OSBPL8: variants seen among roughly 807,000 people sequenced by gnomAD.
The protein encoded by OSBPL8 is oxysterol-binding protein-related protein 8.
OSBPL8 carries 59 observed loss-of-function variants against 125.5 expected under a neutral mutation model. That is an observed-to-expected ratio of 0.47 (90% CI 0.38 to 0.58). OSBPL8 has a LOEUF of 0.58. Among genes scored for constraint, OSBPL8 ranks in the 20% least tolerant of loss-of-function variants. The probability of loss-of-function intolerance (pLI) is 0.00; values close to 1 mark genes in which losing one functional copy is unlikely to be tolerated. For missense variants in OSBPL8, 758 were observed against 1,047.8 expected (o/e 0.72, Z 3.82); for synonymous variants, 330 against 338.9 (o/e 0.97, Z 0.29).
At chr12:76,399,695 C>G (rs1183733294) in intron 7 of OSBPL8, among the ~76,000 whole-genome samples, 178 bp downstream of exon 7, 2 of 152,172 alleles carry the variant, frequency 1.3e-5, no homozygotes, top group African/African-American at 2.4e-5. Context: ...AAGATTCCTT[C>G]TCTTCATTAA....
intron 4 of OSBPL8, among the ~76,000 whole-genome samples, chr12:76,424,911 A>T (rs1222444817): frequency 6.6e-6 from 1 of 152,232 alleles, no homozygotes; most frequent in Admixed American, 6.5e-5. Context: ...CATAAATTTG[A>T]CACTGCAAAG....
chr12:76,362,368 C>T (rs1296866057), intron 21 of OSBPL8, among the ~76,000 whole-genome samples: 1 of 151,998 alleles, frequency 6.6e-6, no homozygotes, highest in African/African-American at 2.4e-5. Context: ...GGATGCAAGG[C>T]GGGTTCAACA....
At chr12:76,531,716 T>C (rs1280574562) in intron 1 of OSBPL8, among the ~76,000 whole-genome samples, 2 of 152,128 alleles carry the variant, frequency 1.3e-5, no homozygotes, top group Non-Finnish European at 2.9e-5. Flanking sequence ...TTTGAAGGTA[T>C]AGTAATTAAG....
At chr12:76,507,596 G>C (rs751489487) in intron 1 of OSBPL8, among the ~76,000 whole-genome samples, 1 of 151,650 alleles carries the variant, frequency 6.6e-6, no homozygotes, top group Non-Finnish European at 1.5e-5. Context: ...TAGGCAGGTG[G>C]ATCACCTGAG....
chr12:76,483,185 G>A (rs1172453089), intron 2 of OSBPL8, among the ~76,000 whole-genome samples: 5 of 152,184 alleles, frequency 3.3e-5, no homozygotes, highest in East Asian at 1.9e-4. Flanking sequence ...ATGTGAACCC[G>A]GGAGACAGGA....
At chr12:76,492,971 C>T (rs570050398) in intron 1 of OSBPL8, among the ~76,000 whole-genome samples, 38 of 151,846 alleles carry the variant, frequency 2.5e-4, no homozygotes, top group African/African-American at 7.2e-4. Context: ...CACGTACACA[C>T]GTGCACATTC....
intron 1 of OSBPL8, among the ~76,000 whole-genome samples, chr12:76,535,619 A>T (rs1241616101): frequency 1.3e-5 from 2 of 152,210 alleles, no homozygotes; most frequent in African/African-American, 4.8e-5. Context: ...CAATAACCGA[A>T]AATTACAAAC....
chr12:76,513,645 T>C (rs539039966), intron 1 of OSBPL8, among the ~76,000 whole-genome samples: 3 of 152,208 alleles, frequency 2.0e-5, no homozygotes, highest in Non-Finnish European at 4.4e-5. Flanking sequence ...AGTTAGGTCT[T>C]GCTCGATTGA....
At chr12:76,478,798 G>T (rs572112154) in intron 2 of OSBPL8, among the ~76,000 whole-genome samples, 1 of 152,224 alleles carries the variant, frequency 6.6e-6, no homozygotes, top group East Asian at 1.9e-4. Flanking sequence ...TAAACAAAGT[G>T]TAACAGGCCG....
At chr12:76,401,578 T>C (rs1036895223) in intron 6 of OSBPL8, among the ~76,000 whole-genome samples, 5 of 152,172 alleles carry the variant, frequency 3.3e-5, no homozygotes. Flanking sequence ...TAGTAAATTG[T>C]AGGGTCAGGA....
intron 1 of OSBPL8, among the ~76,000 whole-genome samples, chr12:76,551,370 T>C (rs533506736): frequency 2.0e-4 from 31 of 152,298 alleles, no homozygotes; most frequent in Admixed American, 8.5e-4. Context: ...TTTTTCATTG[T>C]CACAATTAAG....
chr12:76,431,924 T>A (rs1262035138), intron 4 of OSBPL8, among the ~76,000 whole-genome samples: 2 of 152,134 alleles, frequency 1.3e-5, no homozygotes, highest in Non-Finnish European at 1.5e-5. Flanking sequence ...AGCAGAAGAA[T>A]ACATGTTCTT....
chr12:76,482,539 G>A (rs571198378), intron 2 of OSBPL8, among the ~76,000 whole-genome samples: 1 of 152,228 alleles, frequency 6.6e-6, no homozygotes, highest in Non-Finnish European at 1.5e-5. Context: ...CTTGAACCCA[G>A]GAGGCAGAGG....
intron 6 of OSBPL8, among the ~76,000 whole-genome samples, chr12:76,401,390 TAA>T (rs1954047235): frequency 6.6e-6 from 1 of 152,348 alleles, no homozygotes; most frequent in African/African-American, 2.4e-5. Context: ...ATTAAAATAA[TAA>T]GAGAGCTAAC....
At chr12:76,411,988 CA>C in intron 4 of OSBPL8, among the ~76,000 whole-genome samples, 1 of 152,224 alleles carries the variant, frequency 6.6e-6, no homozygotes, top group East Asian at 1.9e-4. Context: ...GTTAAATGTA[CA>C]TTCTACACGG....
At chr12:76,421,463 A>G (rs541587992) in intron 4 of OSBPL8, among the ~76,000 whole-genome samples, 43 of 152,232 alleles carry the variant, frequency 2.8e-4, no homozygotes, top group African/African-American at 9.9e-4. Context: ...GAATGAAATC[A>G]GTCAATTTAT....
chr12:76,422,765 A>C, intron 4 of OSBPL8: 1 of 350,986 alleles, frequency 2.8e-6, no homozygotes, highest in Non-Finnish European at 5.8e-6. Context: ...CAGCACAAAC[A>C]AAGAACACAC....
chr12:76,521,512 A>G (rs1041137420), intron 1 of OSBPL8, among the ~76,000 whole-genome samples: 1 of 152,250 alleles, frequency 6.6e-6, no homozygotes, highest in African/African-American at 2.4e-5. Context: ...CCATGTTCAC[A>G]GCAGAATTAT....
intron 16 of OSBPL8, among the ~76,000 whole-genome samples, chr12:76,377,342 G>A (rs1015211006): frequency 2.0e-5 from 3 of 152,048 alleles, no homozygotes; most frequent in African/African-American, 7.2e-5. Flanking sequence ...ATCCTTGAGG[G>A]ATAGCCACAC....
Sources: allele counts gnomAD v4.1 joint callset (sites outside exome capture counted in the v4.1 genomes callset), GRCh38; gene constraint gnomAD v4.1.1; transcripts MANE v1.5; gene names NCBI Gene and HGNC (gene_info 2026-07-23, HGNC 2026-07-21).